RASEF: variants seen among roughly 807,000 people sequenced by gnomAD.
RASEF encodes ras and EF-hand domain-containing protein.
RASEF carries 68 observed loss-of-function variants against 90.1 expected under a neutral mutation model. The ratio of observed to expected loss-of-function variants is 0.75; its 90% CI spans 0.62 to 0.92. The LOEUF (loss-of-function observed/expected upper bound fraction) is 0.92. Among genes scored for constraint, RASEF ranks in the 40% least tolerant of loss-of-function variants. RASEF has a pLI of 0.00. For missense variants in RASEF, 949 were observed against 937.2 expected (o/e 1.01, Z -0.16); for synonymous variants, 331 against 345.2 (o/e 0.96, Z 0.46).
the RASEF span, among the ~76,000 whole-genome samples, chr9:83,170,577 G>A: frequency 6.6e-6 from 1 of 151,466 alleles, no homozygotes; most frequent in African/African-American, 2.4e-5. Context: ...TCTTTTTTGT[G>A]TCCTCTTCAA....
At chr9:83,182,428 T>G in the RASEF span, among the ~76,000 whole-genome samples, 8 of 152,330 alleles carry the variant, frequency 5.3e-5, no homozygotes, top group Admixed American at 1.3e-4. Flanking sequence ...GACTAGATCA[T>G]CAAAATTGGT....
intron 1 of RASEF, among the ~76,000 whole-genome samples, chr9:83,029,521 T>C (rs1413857459): frequency 6.6e-6 from 1 of 151,200 alleles, no homozygotes; most frequent in Non-Finnish European, 1.5e-5. Context: ...GCCTCCTGAG[T>C]AGCTGAGATT....
chr9:83,120,107 A>C, the RASEF span, among the ~76,000 whole-genome samples: 1 of 152,208 alleles, frequency 6.6e-6, no homozygotes, highest in African/African-American at 2.4e-5. Context: ...CAAATCTGAA[A>C]GAAGCCTTGC....
chr9:83,204,775 G>A, the RASEF span, among the ~76,000 whole-genome samples: 2 of 151,926 alleles, frequency 1.3e-5, no homozygotes, highest in Non-Finnish European at 2.9e-5. Flanking sequence ...TGATGACATG[G>A]GACTGTTTTA....
chr9:83,210,842 C>G, the RASEF span, among the ~76,000 whole-genome samples: 1 of 152,218 alleles, frequency 6.6e-6, no homozygotes, highest in Non-Finnish European at 1.5e-5. Flanking sequence ...GCCATCAATG[C>G]TAAAACTGAG....
the RASEF span, among the ~76,000 whole-genome samples, chr9:83,193,423 C>T: frequency 7.9e-5 from 12 of 152,176 alleles, no homozygotes; most frequent in South Asian, 1.2e-3. Flanking sequence ...AGTATCACTA[C>T]GACAAATGGA....
At chr9:83,000,134 C>T in intron 12 of RASEF, 35 bp downstream of exon 12, 1 of 1,597,364 alleles carries the variant, frequency 6.3e-7, no homozygotes, top group Non-Finnish European at 8.5e-7. Context: ...TAAGGAAGGT[C>T]ATTTTCCCAT....
chr9:83,089,760 C>A, the RASEF span, among the ~76,000 whole-genome samples: 1 of 152,090 alleles, frequency 6.6e-6, no homozygotes, highest in Admixed American at 6.5e-5. Flanking sequence ...TCTGAGTGTA[C>A]CCTACTCGAA....
chr9:83,144,223 T>C, the RASEF span, among the ~76,000 whole-genome samples: 1 of 151,010 alleles, frequency 6.6e-6, no homozygotes, highest in Admixed American at 6.6e-5. Context: ...AAATTATCTA[T>C]TGGGTACCAC....
At chr9:83,011,967 A>T (rs1387131394) in intron 5 of RASEF, among the ~76,000 whole-genome samples, 1 of 152,194 alleles carries the variant, frequency 6.6e-6, no homozygotes, top group Non-Finnish European at 1.5e-5. Context: ...TTCAAATTTG[A>T]GAGTTAATCT....
At chr9:83,018,096 C>G (rs1829376612) in intron 3 of RASEF, among the ~76,000 whole-genome samples, 1 of 152,180 alleles carries the variant, frequency 6.6e-6, no homozygotes, top group Admixed American at 6.5e-5. Context: ...ACTAACATCA[C>G]ATTCAATGTT....
At chr9:83,140,972 G>T in the RASEF span, among the ~76,000 whole-genome samples, 1 of 151,840 alleles carries the variant, frequency 6.6e-6, no homozygotes, top group African/African-American at 2.4e-5. Context: ...GTGAAACCCT[G>T]TCTCTATTAA....
At chr9:83,112,120 C>A in the RASEF span, among the ~76,000 whole-genome samples, 8 of 151,982 alleles carry the variant, frequency 5.3e-5, no homozygotes, top group African/African-American at 1.9e-4. Context: ...ATCAAATAAG[C>A]AGATTCTTAT....
At chr9:83,064,318 T>C (rs1195062194), upstream of RASEF, among the ~76,000 whole-genome samples, 1 of 152,216 alleles carries the variant, frequency 6.6e-6, no homozygotes, top group African/African-American at 2.4e-5. Flanking sequence ...AGGCATTCCA[T>C]TAGAAGTCCT....
the RASEF span, among the ~76,000 whole-genome samples, chr9:83,135,698 C>G: frequency 2.0e-5 from 3 of 152,060 alleles, no homozygotes; most frequent in African/African-American, 7.2e-5. Flanking sequence ...TGAAAATGGT[C>G]CCATCTGTTG....
At chr9:83,177,362 A>G in the RASEF span, among the ~76,000 whole-genome samples, 1 of 152,096 alleles carries the variant, frequency 6.6e-6, no homozygotes, top group Non-Finnish European at 1.5e-5. Flanking sequence ...TCCCTTTAGT[A>G]TTTCTTATAA....
chr9:82,995,159 C>T (rs1175493033), intron 14 of RASEF, among the ~76,000 whole-genome samples: 3 of 152,324 alleles, frequency 2.0e-5, no homozygotes, highest in Non-Finnish European at 2.9e-5. Context: ...AAGATGACAA[C>T]GTGTGAAGTT....
chr9:83,101,028 T>C, the RASEF span, among the ~76,000 whole-genome samples: 56,399 of 152,014 alleles, frequency 0.37, 10,764 homozygotes, highest in East Asian at 0.61. Context: ...ATATTTCTTT[T>C]TTTGAGTAGT....
chr9:83,055,365 C>G (rs1007239644), intron 1 of RASEF: 480 of 466,370 alleles, frequency 1.0e-3, no homozygotes, highest in Non-Finnish European at 1.5e-3. Flanking sequence ...TGACCCCTTG[C>G]GCTTCCCAGG....
Sources: allele counts gnomAD v4.1 joint callset (sites outside exome capture counted in the v4.1 genomes callset), GRCh38; gene constraint gnomAD v4.1.1; transcripts MANE v1.5; gene names NCBI Gene and HGNC (gene_info 2026-07-23, HGNC 2026-07-21).